Variants in UTP20 observed in about 807,000 individuals in gnomAD.
UTP20 encodes the protein small subunit processome component 20 homolog.
In UTP20, 164 loss-of-function variants were observed where a neutral mutation model predicts 329.5. The observed-to-expected ratio is 0.50, with a 90% CI of 0.44 to 0.57. The LOEUF (loss-of-function observed/expected upper bound fraction) is 0.57, where lower values mean the gene tolerates loss of function less well. Among genes scored for constraint, UTP20 ranks in the 20% least tolerant of loss-of-function variants. UTP20 has a pLI of 0.00. For missense variants in UTP20, 3,055 were observed against 3,284.2 expected (o/e 0.93, Z 1.71); for synonymous variants, 1,151 against 1,159.3 (o/e 0.99, Z 0.14).
rs200946637 is a variant in UTP20, at chr12:101,346,596, A to G, written c.4884+8A>G. 1.5e-4 allele frequency: 233 copies of G among 1,574,954 alleles called. No homozygotes were observed. Among genetic ancestry groups the G allele is most frequent in the Middle Eastern group, 1.2e-3 (7 of 5,908 alleles). On this transcript the variant is annotated splice_region_variant and intron_variant, in intron 38 of 61. Coordinates refer to ENST00000261637, the MANE Select transcript of UTP20 (RefSeq NM_014503.3). Reference sequence around the variant, plus strand: ...GATGAGAAAATGCTCAAGGTAGGTCATTAGATCTAGAAACCAAGGACCCTC... The same window carrying G: ...GATGAGAAAATGCTCAAGGTAGGTCGTTAGATCTAGAAACCAAGGACCCTC...
Position 101,285,620 on chromosome 12 carries a change from C to A in UTP20, c.177C>A (p.Asn59Lys). Residue 59 changes from asparagine to lysine, a missense_variant, in exon 3 of 62, where the codon AAC (asparagine) becomes AAA (lysine). Physicochemically the swap from Asn to Lys is moderately conservative, Grantham distance 94 (BLOSUM62 0). Around this residue, in one of 3 missense-constraint regions of UTP20, gnomAD observed 2,445 missense variants for 2,575.5 expected, o/e 0.95. Coordinates refer to ENST00000261637, the MANE Select transcript of UTP20 (RefSeq NM_014503.3). ...FEGLLKWREL[N>K]LTEHFGKFYK... ...GTCTGCTGAAATGGAGAGAATTAAACCTCACAGAACACTTCGGTATTTTCT... is the reference window on the plus strand; with the variant it reads ...GTCTGCTGAAATGGAGAGAATTAAAACTCACAGAACACTTCGGTATTTTCT... 1 of 1,613,776 alleles carries A rather than the reference C, an allele frequency of 6.2e-7. No individual in the cohort carries two copies. The highest frequency in any genetic ancestry group is 1.1e-5 in the South Asian group (1 of 91,068).
In UTP20 at chr12:101,291,835, C is replaced by T. The variant is rs1186236763; in HGVS notation, c.985C>T (p.Leu329Phe). Residue 329 changes from leucine (L) to phenylalanine (F), a missense_variant, in exon 9 of 62, where the codon CTT becomes TTT. This residue lies in a region of UTP20 where 2,445 missense variants were observed against 2,575.5 expected (regional missense o/e 0.95). Coordinates refer to ENST00000261637, the MANE Select transcript of UTP20 (RefSeq NM_014503.3). ...AAGGTTGTTGGAAACATACCTTATA[C>T]TTGTAAAACATGGAAGTGGGACAAA... ...IKRLLETYLI[L>F]VKHGSGTKIP... The T allele has an allele frequency of 1.9e-6, 3 of 1,613,722 alleles. No homozygotes were observed. In the African/African-American group the frequency reaches 4.0e-5, roughly 22 times the overall value.
Position 101,302,474 on chromosome 12 carries a change from G to A in UTP20, c.1702G>A (p.Val568Ile), listed in dbSNP as rs1485715018. Residue 568 changes from valine to isoleucine, a missense_variant, in exon 15 of 62, where the codon GTA (valine) becomes ATA (isoleucine). This residue lies in a region of UTP20 where 2,445 missense variants were observed against 2,575.5 expected (regional missense o/e 0.95). Transcript: ENST00000261637. ...AAACTTATTTGTTCTTTGTCAAGCTGTAAATACTCTACTAAGTTTGGAAGA... is the reference window on the plus strand; with the variant it reads ...AAACTTATTTGTTCTTTGTCAAGCTATAAATACTCTACTAAGTTTGGAAGA... ...KGNLFVLCQA[V>I]NTLLSLEESS... is the part of the protein sequence containing the mutation. 1.9e-6 allele frequency: 3 copies of A among 1,608,900 alleles called. No individual in the cohort carries two copies. The highest frequency in any genetic ancestry group is 1.7e-5 in the Admixed American group (1 of 58,926).
intron 28 of UTP20, among the ~76,000 whole-genome samples, chr12:101,333,809 A>G (rs1868840446): frequency 6.6e-6 from 1 of 152,174 alleles, no homozygotes; most frequent in Admixed American, 6.5e-5. Context: ...GATTACAGCC[A>G]TGCACCACAA....
intron 2 of UTP20, 122 bp downstream of exon 2, chr12:101,281,318 C>T: frequency 1.3e-6 from 1 of 773,164 alleles, no homozygotes; most frequent in Non-Finnish European, 2.0e-6. Flanking sequence ...TAGACCTGTG[C>T]TGTTTCATAC....
chr12:101,306,791 T>TA, intron 17 of UTP20, 30 bp downstream of exon 17: 11 of 1,557,154 alleles, frequency 7.1e-6, no homozygotes, highest in Non-Finnish European at 8.7e-6. Context: ...GGATAGGTTT[T>TA]AAAAAAATAT....
At chr12:101,329,772 G>C (rs1307114505) in intron 27 of UTP20, among the ~76,000 whole-genome samples, 1 of 152,128 alleles carries the variant, frequency 6.6e-6, no homozygotes, top group East Asian at 1.9e-4. Context: ...GGGAGGCCAA[G>C]GTGGGAGGAT....
intron 47 of UTP20, among the ~76,000 whole-genome samples, chr12:101,367,411 C>A (rs1422655043): frequency 6.6e-6 from 1 of 152,182 alleles, no homozygotes; most frequent in African/African-American, 2.4e-5. Flanking sequence ...ACCCTGGCTT[C>A]CCTTCCCATC....
At position 101,293,304 on chromosome 12, in the gene UTP20, T is replaced by C. The variant is rs542007354; in HGVS notation, c.1251+59T>C. On this transcript the variant is annotated intron_variant, in intron 11 of 61. Transcript: ENST00000261637. ...AAACAAATCTGTCAGGAAAAAACGATCAAATTTGAAATCCTGTTATTTCTG... is the reference window on the plus strand; with the variant it reads ...AAACAAATCTGTCAGGAAAAAACGACCAAATTTGAAATCCTGTTATTTCTG... The C allele has an allele frequency of 4.9e-5, 74 of 1,495,240 alleles. No individual in the cohort carries two copies. In the African/African-American group the frequency reaches 9.1e-4, roughly 18 times the overall value. 92.6% of individuals were successfully genotyped at this position (1,495,240 alleles called of 1,614,324 possible).
Position 101,290,773 on chromosome 12 carries a change from A to C in UTP20, c.776A>C (p.Glu259Ala), listed in dbSNP as rs551412332. ...LILRKLGPVT[E>A]TETQLPWMLI... is the part of the protein sequence containing the mutation. ...TTGCGAAAGCTAGGACCAGTCACTGAAACAGAAACTCAACTACCATGGATG... is the reference window on the plus strand; with the variant it reads ...TTGCGAAAGCTAGGACCAGTCACTGCAACAGAAACTCAACTACCATGGATG... Residue 259 changes from glutamate (E) to alanine (A), a missense_variant, in exon 8 of 62, where the codon GAA (glutamate) becomes GCA (alanine). By Grantham distance (107) the Glu-to-Ala change is moderately radical. Coordinates refer to ENST00000261637, the MANE Select transcript of UTP20 (RefSeq NM_014503.3). 211 of 1,613,630 alleles carry C rather than the reference A, an allele frequency of 1.3e-4. 3 individuals carry two copies. The South Asian group carries it at 2.3e-3, about 17-fold the overall frequency.
intron 35 of UTP20, among the ~76,000 whole-genome samples, chr12:101,344,039 T>C (rs180919051): frequency 6.6e-6 from 1 of 152,352 alleles, no homozygotes; most frequent in Admixed American, 6.5e-5. Context: ...ATCAGTGATC[T>C]CTTTGTGGCA....
chr12:101,325,756 C>T (rs924656295), intron 25 of UTP20, among the ~76,000 whole-genome samples: 16 of 152,280 alleles, frequency 1.1e-4, no homozygotes, highest in South Asian at 6.2e-4. Flanking sequence ...TGAACATGAA[C>T]GCAGTGAGCC....
rs763823451 is a variant in UTP20, at chr12:101,373,493, C to T, written c.6948+23C>T. ...CAGGTACTGTGACCCCAGAGATAAG[C>T]CCCGTGACTCCTGGAAGTCCTCAGT... is the stretch of plus-strand genomic sequence containing the variant. On this transcript the variant is annotated intron_variant, in intron 53 of 61. Coordinates refer to ENST00000261637, the MANE Select transcript of UTP20 (RefSeq NM_014503.3). The T allele has an allele frequency of 3.7e-6, 6 of 1,614,028 alleles. No homozygotes were observed. The East Asian group carries it at 8.9e-5, about 24-fold the overall frequency.
At chr12:101,373,058 A>G (rs1870345386) in intron 52 of UTP20, 95 bp downstream of exon 52, 3 of 1,012,154 alleles carry the variant, frequency 3.0e-6, no homozygotes, top group Non-Finnish European at 4.6e-6. Context: ...GCCTAAGTAT[A>G]ATGGTACATT....
At chr12:101,317,108 A>G (rs968032858) in intron 21 of UTP20, among the ~76,000 whole-genome samples, 11 of 152,200 alleles carry the variant, frequency 7.2e-5, no homozygotes, top group Admixed American at 2.0e-4. Context: ...ATGGAAAGTG[A>G]CCAGCACAGT....
At chr12:101,362,086 A>ATT in intron 44 of UTP20, 26 bp downstream of exon 44, 1 of 1,545,216 alleles carries the variant, frequency 6.5e-7, no homozygotes, top group Middle Eastern at 1.7e-4. Context: ...ACGAATTCTA[A>ATT]TTTTTTTTTA....
intron 26 of UTP20, among the ~76,000 whole-genome samples, chr12:101,328,016 G>A (rs1413204880): frequency 6.6e-6 from 1 of 152,194 alleles, no homozygotes; most frequent in African/African-American, 2.4e-5. Context: ...GTAGAGTTGG[G>A]ATTCAAACTC....
chr12:101,286,545 GC>G, intron 5 of UTP20, 36 bp downstream of exon 5: 1 of 1,459,280 alleles, frequency 6.9e-7, no homozygotes, highest in Non-Finnish European at 9.1e-7. Flanking sequence ...TTTTTTAATT[GC>G]CTGCTTCTTT....
At chr12:101,314,495 A>G (rs929670155) in intron 21 of UTP20, among the ~76,000 whole-genome samples, 1 of 151,982 alleles carries the variant, frequency 6.6e-6, no homozygotes, top group Non-Finnish European at 1.5e-5. Flanking sequence ...TGTCTGTACT[A>G]AAAATACAAA....
Sources: gnomAD v4.1 joint callset for allele counts (sites outside exome capture counted in the v4.1 genomes callset) on GRCh38, gnomAD v4.1.1 for gene constraint, gnomAD v4.1.1 regional missense constraint, MANE v1.5 for transcripts, NCBI Gene and HGNC (gene_info 2026-07-23, HGNC 2026-07-21) for gene names.